IL2RB: variants seen among roughly 807,000 people sequenced by gnomAD.
IL2RB encodes the protein interleukin-2 receptor subunit beta.
Under a neutral mutation model 44.2 loss-of-function variants are expected in IL2RB, and 17 were observed. That is an observed-to-expected ratio of 0.38 (90% CI 0.26 to 0.58). IL2RB has a LOEUF of 0.58. Ranked by LOEUF, IL2RB falls within the 20% of genes least tolerant of loss-of-function variation. The probability of loss-of-function intolerance (pLI) is 0.63; values close to 1 mark genes in which losing one functional copy is unlikely to be tolerated. For synonymous variants in IL2RB, 286 were observed against 297.9 expected (o/e 0.96, Z 0.41); for missense variants, 624 against 685.5 (o/e 0.91, Z 1.00).
intron 8 of IL2RB, among the ~76,000 whole-genome samples, chr22:37,132,690 A>G (rs1286809610): frequency 6.6e-6 from 1 of 152,252 alleles, no homozygotes; most frequent in African/African-American, 2.4e-5. Flanking sequence ...AGGAGCTGAC[A>G]TTCTCATGGG....
intron 1 of IL2RB, among the ~76,000 whole-genome samples, chr22:37,156,443 G>A (rs1049131028): frequency 6.6e-6 from 1 of 152,186 alleles, no homozygotes; most frequent in Non-Finnish European, 1.5e-5. Context: ...CCCAGGCTAG[G>A]TGGGGTGGCT....
chr22:37,138,995 G>A, intron 5 of IL2RB, 122 bp downstream of exon 5: 6 of 660,518 alleles, frequency 9.1e-6, no homozygotes, highest in Non-Finnish European at 1.6e-5. Flanking sequence ...GGGCGGTGAG[G>A]TGATCAGATG....
chr22:37,142,397 C>T, intron 4 of IL2RB, 37 bp downstream of exon 4: 1 of 1,573,744 alleles, frequency 6.4e-7, no homozygotes, highest in Non-Finnish European at 8.7e-7. Context: ...GGGAGACCAC[C>T]CTCTCCCTGC....
chr22:37,145,777 C>T (rs537967186), intron 1 of IL2RB, among the ~76,000 whole-genome samples: 1 of 152,000 alleles, frequency 6.6e-6, no homozygotes, highest in Non-Finnish European at 1.5e-5. Context: ...GTGGAACATC[C>T]TTCCCTCCCT....
intron 1 of IL2RB, among the ~76,000 whole-genome samples, chr22:37,146,491 G>A (rs963912714): frequency 2.6e-5 from 4 of 152,296 alleles, no homozygotes; most frequent in Admixed American, 1.3e-4. Context: ...CCAGGAAACC[G>A]ACACTCACCC....
At chr22:37,174,113 T>C (rs1923374535) in intron 1 of IL2RB, among the ~76,000 whole-genome samples, 3 of 152,116 alleles carry the variant, frequency 2.0e-5, no homozygotes, top group African/African-American at 7.2e-5. Flanking sequence ...GAGGTTGGGT[T>C]AGGTATGGTT....
chr22:37,160,679 CA>C (rs10605445), intron 1 of IL2RB, among the ~76,000 whole-genome samples: 2,536 of 135,984 alleles, frequency 0.019, 87 homozygotes, highest in African/African-American at 0.063. Flanking sequence ...CTGTCTATGC[CA>C]AAAAAAAAAA....
At chr22:37,164,161 T>C (rs963573777) in intron 1 of IL2RB, among the ~76,000 whole-genome samples, 2 of 151,970 alleles carry the variant, frequency 1.3e-5, no homozygotes, top group African/African-American at 4.8e-5. Context: ...CAACACAGGG[T>C]TCTCCCTCTG....
At chr22:37,152,035 T>C (rs878951522), upstream of IL2RB, among the ~76,000 whole-genome samples, 9 of 152,228 alleles carry the variant, frequency 5.9e-5, no homozygotes, top group Admixed American at 5.9e-4. Context: ...TTGCTTAGGA[T>C]GGCTTTGGCT....
Position 37,155,712 on chromosome 22 carries a change from G to A in IL2RB, c.-33-11507C>T, listed in dbSNP as rs118014334. Reference sequence around the variant, plus strand: ...GGCAGAGCCCTGACAGAGCCCACTCGGGCCTACCCAGACCTGGGTCTCAGG... The same window carrying A: ...GGCAGAGCCCTGACAGAGCCCACTCAGGCCTACCCAGACCTGGGTCTCAGG... On this transcript the variant is annotated intron_variant, in intron 1 of 5. Coordinates refer to the IL2RB transcript ENST00000429622. Among the ~76,000 whole-genome samples the A allele has an allele frequency of 4.8e-4, 73 of 152,250 alleles. No individual in the cohort carries two copies. In the East Asian group the frequency reaches 0.013, roughly 27 times the overall value.
chr22:37,167,571 T>C (rs1923127991), intron 1 of IL2RB, among the ~76,000 whole-genome samples: 1 of 152,056 alleles, frequency 6.6e-6, no homozygotes, highest in African/African-American at 2.4e-5. Context: ...TCCAAGCTCT[T>C]CCCTGCCTCG....
intron 9 of IL2RB, among the ~76,000 whole-genome samples, chr22:37,129,242 A>C (rs928903432): frequency 2.0e-5 from 3 of 152,224 alleles, no homozygotes; most frequent in African/African-American, 7.2e-5. Context: ...AAGTGTGGGA[A>C]TCGATCCACC....
intron 1 of IL2RB, among the ~76,000 whole-genome samples, chr22:37,155,771 GCTC>G (rs1922659124): frequency 0.025 from 1 of 40 alleles, no homozygotes; most frequent in South Asian, 0.5. Flanking sequence ...TCCTCCACGA[GCTC>G]CACGCCTTGC....
chr22:37,157,981 T>A (rs1922736576), intron 1 of IL2RB, among the ~76,000 whole-genome samples: 1 of 152,208 alleles, frequency 6.6e-6, no homozygotes, highest in African/African-American at 2.4e-5. Flanking sequence ...AGCTTTGCCA[T>A]CAAAGGCAGG....
At chr22:37,163,249 G>A (rs1490372619) in intron 1 of IL2RB, among the ~76,000 whole-genome samples, 2 of 152,160 alleles carry the variant, frequency 1.3e-5, no homozygotes, top group Non-Finnish European at 2.9e-5. Context: ...GCTGAGTGTG[G>A]TCCAGCTGCA....
chr22:37,133,645 C>T (rs554813390), intron 8 of IL2RB, among the ~76,000 whole-genome samples: 1 of 152,328 alleles, frequency 6.6e-6, no homozygotes, highest in East Asian at 1.9e-4. Flanking sequence ...CTTTGCCCTC[C>T]ACCAGGCCAC....
At chr22:37,145,767 G>A (rs2146247935) in intron 1 of IL2RB, among the ~76,000 whole-genome samples, 1 of 152,078 alleles carries the variant, frequency 6.6e-6, no homozygotes, top group South Asian at 2.1e-4. Context: ...TGTGGAGGAG[G>A]TGGAACATCC....
chr22:37,156,703 A>T (rs1922691574), intron 1 of IL2RB, among the ~76,000 whole-genome samples: 1 of 152,220 alleles, frequency 6.6e-6, no homozygotes, highest in South Asian at 2.1e-4. Context: ...TAGCCAACCA[A>T]GCTGCAGAGG....
chr22:37,144,702 C>T (rs1186740179), intron 1 of IL2RB, among the ~76,000 whole-genome samples: 1 of 152,136 alleles, frequency 6.6e-6, no homozygotes. Flanking sequence ...CGAGATGGCA[C>T]CACTGCACTC....
Sources: allele counts gnomAD v4.1 joint callset (sites outside exome capture counted in the v4.1 genomes callset), GRCh38; gene constraint gnomAD v4.1.1; transcripts MANE v1.5; gene names NCBI Gene and HGNC (gene_info 2026-07-23, HGNC 2026-07-21).